WSB2: variants seen among roughly 807,000 people sequenced by gnomAD.
WSB2 encodes WD repeat and SOCS box-containing protein 2.
Under a neutral mutation model 48.8 loss-of-function variants are expected in WSB2, and 12 were observed. That is an observed-to-expected ratio of 0.25 (90% CI 0.16 to 0.40). The LOEUF is 0.40. WSB2 is among the 10% of genes least tolerant of loss of function. The pLI, the probability that WSB2 is intolerant of heterozygous loss-of-function variation, is 1.00. For missense variants in WSB2, 317 were observed against 506.2 expected (o/e 0.63, Z 3.59); for synonymous variants, 191 against 203.1 (o/e 0.94, Z 0.51).
At chr12:118,052,797 C>T (rs1017279350) in intron 1 of WSB2, among the ~76,000 whole-genome samples, 1 of 152,164 alleles carries the variant, frequency 6.6e-6, no homozygotes, top group African/African-American at 2.4e-5. Flanking sequence ...CAGGAATATG[C>T]TAGACGGTGC....
intron 1 of WSB2, among the ~76,000 whole-genome samples, chr12:118,055,560 T>C (rs2031940590): frequency 6.6e-6 from 1 of 151,852 alleles, no homozygotes; most frequent in South Asian, 2.1e-4. Context: ...TCTTTTTTTT[T>C]TCCATCCTGA....
At chr12:118,040,965 C>G (rs558189413) in intron 4 of WSB2, among the ~76,000 whole-genome samples, 24 of 152,374 alleles carry the variant, frequency 1.6e-4, no homozygotes, top group African/African-American at 5.8e-4. Context: ...ACAAGAATGA[C>G]TTGAACCTGG....
intron 2 of WSB2, among the ~76,000 whole-genome samples, chr12:118,046,631 C>T (rs930024413): frequency 6.6e-6 from 1 of 152,180 alleles, no homozygotes; most frequent in Non-Finnish European, 1.5e-5. Context: ...TGGCTCTGGC[C>T]CTGGCACTGG....
At chr12:118,056,131 C>T (rs2031954023) in intron 1 of WSB2, among the ~76,000 whole-genome samples, 2 of 152,214 alleles carry the variant, frequency 1.3e-5, no homozygotes, top group South Asian at 4.1e-4. Context: ...CAGTTTCAAA[C>T]ACTGTTAGAA....
intron 2 of WSB2, among the ~76,000 whole-genome samples, chr12:118,045,571 A>C (rs1393678824): frequency 6.6e-6 from 1 of 151,196 alleles, no homozygotes; most frequent in African/African-American, 2.4e-5. Context: ...GGTGGCAGGG[A>C]CCTGGTGGCG....
In WSB2 at chr12:118,043,127, A is replaced by C; in HGVS notation, c.427+6T>G. ...CAGAACCTTGTGCCAGCCAGGAATG[A>C]CCTACCTGTCTGCACCTCCCAGATC... On this transcript the variant is annotated splice_donor_region_variant and intron_variant, in intron 3 of 8. Coordinates refer to ENST00000315436, the MANE Select transcript of WSB2 (RefSeq NM_018639.5). The C allele has an allele frequency of 6.2e-7, 1 of 1,614,076 alleles. No individual in the cohort carries two copies. Among genetic ancestry groups the C allele is most frequent in the Non-Finnish European group, 8.5e-7 (1 of 1,179,984 alleles).
chr12:118,047,704 C>A (rs533651875), intron 2 of WSB2, among the ~76,000 whole-genome samples: 181 of 152,164 alleles, frequency 1.2e-3, no homozygotes, highest in Non-Finnish European at 1.6e-3. Context: ...CAGAGCAAGA[C>A]CTTTTCTCTG....
chr12:118,057,148 T>G (rs886236936), intron 1 of WSB2, among the ~76,000 whole-genome samples: 2 of 152,206 alleles, frequency 1.3e-5, no homozygotes, highest in African/African-American at 4.8e-5. Context: ...AAAGCCCTAA[T>G]TAGTGCAGAA....
At chr12:118,053,164 C>T (rs567355552) in intron 1 of WSB2, among the ~76,000 whole-genome samples, 9 of 152,088 alleles carry the variant, frequency 5.9e-5, no homozygotes, top group Non-Finnish European at 8.8e-5. Context: ...CATTAGAAAG[C>T]TCCCGCCTGC....
rs540799294 is a variant in WSB2 at position 118,041,044 on chromosome 12, G to A, written c.559+1797C>T. 3.3e-5 allele frequency among the ~76,000 whole-genome samples: 5 copies of A among 152,320 alleles called. No homozygotes were observed. In the East Asian group the frequency reaches 5.8e-4, roughly 18 times the overall value. On this transcript the variant is annotated intron_variant, in intron 4 of 8. Transcript: ENST00000315436. ...AGCCTGGGTGACACAGTGAGACTCC[G>A]TCTCAAGAAAAAACAAACAAACCAA... is the stretch of plus-strand genomic sequence containing the variant.
At chr12:118,034,562 T>A in intron 8 of WSB2, 1 of 604,186 alleles carries the variant, frequency 1.7e-6, no homozygotes, top group Non-Finnish European at 2.8e-6. Flanking sequence ...AAGACACCTG[T>A]GATACCAAAG....
At chr12:118,052,539 C>CA in intron 1 of WSB2, 61 bp from the exon 2 acceptor site, 1 of 1,600,580 alleles carries the variant, frequency 6.2e-7, no homozygotes, top group Non-Finnish European at 8.5e-7. Context: ...CACCCAGACA[C>CA]AGGAAAGCCA....
At chr12:118,057,196 G>T (rs996137284) in intron 1 of WSB2, among the ~76,000 whole-genome samples, 2 of 152,094 alleles carry the variant, frequency 1.3e-5, no homozygotes, top group African/African-American at 4.8e-5. Flanking sequence ...CAGAGCTGGG[G>T]GTGGGGTATC....
Position 118,052,266 on chromosome 12 carries a change from G to A in WSB2, c.182+44C>T, listed in dbSNP as rs964384733. 20 of 1,600,128 alleles carry A rather than the reference G, an allele frequency of 1.2e-5. No individual in the cohort carries two copies. In the Middle Eastern group the frequency reaches 5.0e-4, roughly 40 times the overall value. ...CAGAGATGGCAAAAGAACAAGGAGT[G>A]TTTGGAAATGCGCCGGATGGGGCCC... is the stretch of plus-strand genomic sequence containing the variant. On this transcript the variant is annotated intron_variant, in intron 2 of 8. Coordinates refer to ENST00000315436, the MANE Select transcript of WSB2 (RefSeq NM_018639.5).
chr12:118,034,575 C>G, intron 8 of WSB2: 1 of 495,396 alleles, frequency 2.0e-6, no homozygotes, highest in Non-Finnish European at 3.4e-6. Flanking sequence ...TACCAAAGCG[C>G]TCTCTCTGTC....
chr12:118,048,845 T>C (rs1235275804), intron 2 of WSB2, among the ~76,000 whole-genome samples: 1 of 152,230 alleles, frequency 6.6e-6, no homozygotes, highest in African/African-American at 2.4e-5. Flanking sequence ...TGTTTTCATT[T>C]ACTGATACCA....
chr12:118,036,203 A>G (rs2031505926), intron 6 of WSB2, 135 bp downstream of exon 6: 3 of 1,090,226 alleles, frequency 2.8e-6, no homozygotes, highest in African/African-American at 3.2e-5. Flanking sequence ...CTCCGTCTCA[A>G]AAGAGACCCA....
chr12:118,036,735 TAA>T (rs1006258353), intron 5 of WSB2, among the ~76,000 whole-genome samples: 1 of 152,164 alleles, frequency 6.6e-6, no homozygotes, highest in Non-Finnish European at 1.5e-5. Context: ...GAGCTCACTA[TAA>T]GAGAGAATAA....
At chr12:118,038,927 C>CT (rs892735962) in intron 4 of WSB2, among the ~76,000 whole-genome samples, 2 of 152,068 alleles carry the variant, frequency 1.3e-5, no homozygotes, top group African/African-American at 4.8e-5. Context: ...GTGCTGATCA[C>CT]TTTTTTTATA....
Sources: gnomAD v4.1 joint callset for allele counts (sites outside exome capture counted in the v4.1 genomes callset) on GRCh38, gnomAD v4.1.1 for gene constraint, MANE v1.5 for transcripts, NCBI Gene and HGNC (gene_info 2026-07-23, HGNC 2026-07-21) for gene names.